STAB2: variants seen among roughly 807,000 people sequenced by gnomAD.
STAB2 encodes stabilin 2, also known as stabilin-2.
A neutral mutation model predicts 338.1 loss-of-function variants in STAB2; 288 were observed. The observed-to-expected ratio is 0.85, with a 90% CI of 0.77 to 0.94. The LOEUF (loss-of-function observed/expected upper bound fraction) is 0.94. STAB2 is among the 40% of genes least tolerant of loss of function. The pLI is 0.00. For missense variants in STAB2, 3,141 were observed against 3,210.1 expected (o/e 0.98, Z 0.52); for synonymous variants, 1,202 against 1,193.3 (o/e 1.01, Z -0.15).
chr12:103,655,586 C>A lies in STAB2; in HGVS notation c.1734+5C>A. 1.2e-6 allele frequency: 2 copies of A among 1,613,474 alleles called. No individual in the cohort carries two copies. Among genetic ancestry groups the A allele is most frequent in the Non-Finnish European group, 1.7e-6 (2 of 1,179,828 alleles). The stretch of plus-strand genomic sequence containing the variant: ...GATTACCTCCTTTCTCCAGAGGTAC[C>A]GTATTCTGCTTGCTCTGATGGCATC... On this transcript the variant is annotated splice_donor_5th_base_variant and intron_variant, in intron 15 of 68. Coordinates refer to ENST00000388887, the MANE Select transcript of STAB2 (RefSeq NM_017564.10).
chr12:103,668,723 T>A lies in STAB2; in HGVS notation c.2166T>A (p.Thr722=). ...GCTGTGCCCGGTACTGCAATGCCACTGTGAAGGTGAGGAGCGCGTGGCCGA... is the reference window on the plus strand; with the variant it reads ...GCTGTGCCCGGTACTGCAATGCCACAGTGAAGGTGAGGAGCGCGTGGCCGA... The part of the protein sequence containing the change: ...KSGCARYCNA[T]VKIPKCCKGF... The change falls in exon 20 of 69, where the codon ACT becomes ACA. Residue 722 remains threonine, a synonymous_variant. Transcript: ENST00000388887. 2 of 1,545,530 alleles carry A rather than the reference T, an allele frequency of 1.3e-6. No homozygotes were observed. Among genetic ancestry groups the A allele is most frequent in the Non-Finnish European group, 8.7e-7 (1 of 1,142,910 alleles).
At chr12:103,609,129 C>T (rs527732415) in intron 3 of STAB2, among the ~76,000 whole-genome samples, 24 of 152,216 alleles carry the variant, frequency 1.6e-4, no homozygotes, top group Middle Eastern at 3.4e-3. Context: ...GTGATGCCTC[C>T]GGCTTTGTTC....
chr12:103,664,017 T>C (rs1304628674), intron 18 of STAB2, among the ~76,000 whole-genome samples: 3 of 152,200 alleles, frequency 2.0e-5, no homozygotes, highest in Non-Finnish European at 4.4e-5. Context: ...ACCGTCTTTC[T>C]GCAGTACTTT....
intron 68 of STAB2, chr12:103,766,052 G>T (rs1361590027): frequency 9.0e-6 from 6 of 668,292 alleles, no homozygotes; most frequent in Non-Finnish European, 1.1e-5. Context: ...AGCCGAGTTG[G>T]GATGATTTGT....
chr12:103,666,653 G>A (rs1875136633), intron 19 of STAB2, among the ~76,000 whole-genome samples: 1 of 152,150 alleles, frequency 6.6e-6, no homozygotes, highest in South Asian at 2.1e-4. Flanking sequence ...AATCAAGAAG[G>A]CACTCAGTTC....
intron 1 of STAB2, among the ~76,000 whole-genome samples, chr12:103,587,763 CGCCCCGCT>C (rs1284209571): frequency 6.6e-6 from 1 of 152,200 alleles, no homozygotes; most frequent in Non-Finnish European, 1.5e-5. Flanking sequence ...TGTACTGAAG[CGCCCCGCT>C]GCTGTTGGGA....
intron 46 of STAB2, among the ~76,000 whole-genome samples, chr12:103,726,540 G>A (rs1322988887): frequency 6.6e-6 from 1 of 152,100 alleles, no homozygotes; most frequent in Non-Finnish European, 1.5e-5. Flanking sequence ...ATAAACTGGT[G>A]GCCTCTAGAG....
chr12:103,718,226 G>A (rs749103877), intron 44 of STAB2, among the ~76,000 whole-genome samples: 9 of 152,098 alleles, frequency 5.9e-5, no homozygotes, highest in Non-Finnish European at 1.2e-4. Context: ...TTACACGTAG[G>A]AATCCACAGC....
chr12:103,742,823 T>C (rs1029227270), intron 56 of STAB2, among the ~76,000 whole-genome samples: 2 of 152,148 alleles, frequency 1.3e-5, no homozygotes, highest in African/African-American at 4.8e-5. Flanking sequence ...ATTCAACCAA[T>C]GTGGATTTAC....
chr12:103,654,624 G>C lies in STAB2; in HGVS notation c.1477G>C (p.Ala493Pro). The C allele has an allele frequency of 6.2e-7, 1 of 1,614,182 alleles. No individual in the cohort carries two copies. Among genetic ancestry groups the C allele is most frequent in the Non-Finnish European group, 8.5e-7 (1 of 1,180,004 alleles). ...KVKIIQGDIIASNGLLHILDR... is the reference protein window; with the variant it reads ...KVKIIQGDIIPSNGLLHILDR... ...AAAAATTATACAAGGGGACATCATT[G>C]CTTCCAATGGGCTTCTGCACATCCT... The change falls in exon 13 of 69, where the codon GCT (alanine) becomes CCT (proline). Residue 493 changes from alanine to proline, a missense_variant. By Grantham distance (27) the Ala-to-Pro change is conservative (BLOSUM62 -1). Coordinates refer to ENST00000388887, the MANE Select transcript of STAB2 (RefSeq NM_017564.10).
rs1230777181 is a variant in STAB2 at position 103,683,265 on chromosome 12, T to A, written c.2866T>A (p.Ser956Thr). Residue 956 changes from serine (S) to threonine (T), a missense_variant, in exon 26 of 69, where the codon TCA becomes ACA. Physicochemically the swap from Ser to Thr is moderately conservative, Grantham distance 58. Transcript: ENST00000388887. ...TGGGATTGACTGTGAACCAATAACT[T>A]CATGCTTGGAACAAACCGGGAAATG... ...GNGIDCEPIT[S>T]CLEQTGKCHP... The A allele has an allele frequency of 6.2e-7, 1 of 1,612,874 alleles. No individual in the cohort carries two copies. Among genetic ancestry groups the A allele is most frequent in the Non-Finnish European group, 8.5e-7 (1 of 1,179,530 alleles).
intron 23 of STAB2, 47 bp downstream of exon 23, chr12:103,674,134 G>T (rs771938781): frequency 3.2e-6 from 5 of 1,571,344 alleles, no homozygotes; most frequent in Non-Finnish European, 4.3e-6. Flanking sequence ...GTCATTAAGT[G>T]TAAGGGGATG....
intron 25 of STAB2, among the ~76,000 whole-genome samples, chr12:103,679,526 A>C (rs555402311): frequency 6.6e-6 from 1 of 152,194 alleles, no homozygotes; most frequent in South Asian, 2.1e-4. Flanking sequence ...CAAATCCTCA[A>C]CGTTGACATG....
rs572651528 is a variant in STAB2 at position 103,726,449 on chromosome 12, C to G, written c.4851+286C>G. Among the ~76,000 whole-genome samples the G allele has an allele frequency of 9.2e-5, 14 of 152,304 alleles. No individual in the cohort carries two copies. In the East Asian group the frequency reaches 2.3e-3, roughly 25 times the overall value. ...GAGGTTGCAGTGAGCTGAGATCATG[C>G]CACTGCACTCCAGCCTAGGTGACAG... is the stretch of plus-strand genomic sequence containing the variant. On this transcript the variant is annotated intron_variant, in intron 46 of 68. Transcript: ENST00000388887.
chr12:103,728,950 T>C lies in STAB2; in HGVS notation c.5037T>C (p.Asn1679=). Residue 1679 remains asparagine (N), a synonymous_variant, in exon 48 of 69, where the codon AAT becomes AAC. Transcript: ENST00000388887. ...TGGAAAACCTGAAATTGATCTCAAA[T>C]GCTACTTCCCTCCAAGGAGAGCCAA... ...LLLENLKLIS[N]ATSLQGEPIV... is the part of the protein sequence containing the mutation. 6.2e-7 allele frequency: 1 copy of C among 1,613,992 alleles called. No homozygotes were observed. Among genetic ancestry groups the C allele is most frequent in the Non-Finnish European group, 8.5e-7 (1 of 1,179,862 alleles).
At chr12:103,725,848 A>G (rs1033489716) in intron 45 of STAB2, among the ~76,000 whole-genome samples, 1 of 152,244 alleles carries the variant, frequency 6.6e-6, no homozygotes, top group Non-Finnish European at 1.5e-5. Flanking sequence ...TGAAAGTCAG[A>G]AAATGCTCTT....
chr12:103,663,071 T>A, intron 18 of STAB2, 73 bp downstream of exon 18: 2 of 1,552,824 alleles, frequency 1.3e-6, no homozygotes, highest in Non-Finnish European at 1.7e-6. Context: ...CTCCTCACAA[T>A]TCTGAGAAAG....
At chr12:103,617,866 A>G (rs1354584529) in intron 3 of STAB2, among the ~76,000 whole-genome samples, 2 of 152,188 alleles carry the variant, frequency 1.3e-5, no homozygotes, top group Non-Finnish European at 2.9e-5. Context: ...TGGCTCTGCC[A>G]CTGCTGTGGA....
chr12:103,699,152 C>A lies in STAB2; in HGVS notation c.3639C>A (p.Asp1213Glu), dbSNP rs767477144. Residue 1213 changes from aspartate to glutamate, a missense_variant, in exon 34 of 69, where the codon GAC becomes GAA. By Grantham distance (45) the Asp-to-Glu change is conservative. Transcript: ENST00000388887. ...VVLEEKLLKNDLHNGMHRETM... is the reference protein window; with the variant it reads ...VVLEEKLLKNELHNGMHRETM... Reference sequence around the variant, plus strand: ...TGGAGGAGAAACTCCTGAAGAATGACCTGCACAATGGCATGCATCGTGAGA... The same window carrying A: ...TGGAGGAGAAACTCCTGAAGAATGAACTGCACAATGGCATGCATCGTGAGA... The A allele has an allele frequency of 5.0e-6, 8 of 1,613,544 alleles. No homozygotes were observed. The highest frequency in any genetic ancestry group is 2.2e-5 in the East Asian group (1 of 44,834).
Sources: allele counts gnomAD v4.1 joint callset (sites outside exome capture counted in the v4.1 genomes callset), GRCh38; gene constraint gnomAD v4.1.1; transcripts MANE v1.5; gene names NCBI Gene and HGNC (gene_info 2026-07-23, HGNC 2026-07-21).